The following MTMR7 variants were observed in gnomAD, a reference collection of about 807,000 sequenced individuals.
The protein encoded by MTMR7 is myotubularin related protein 7, also known as phosphatidylinositol-3-phosphate phosphatase MTMR7.
Under a neutral mutation model 81.2 loss-of-function variants are expected in MTMR7, and 76 were observed. The observed-to-expected ratio is 0.94, with a 90% CI of 0.78 to 1.13. The LOEUF (loss-of-function observed/expected upper bound fraction) is 1.13, where lower values mean the gene tolerates loss of function less well. MTMR7 is among the 50% of genes most tolerant of loss of function. The pLI is 0.00. For missense variants in MTMR7, 1,044 were observed against 820.0 expected (o/e 1.27, Z -3.34); for synonymous variants, 372 against 289.8 (o/e 1.28, Z -2.88).
At chr8:17,302,408 A>G (rs1817177604) in intron 12 of MTMR7, 128 bp from the exon 13 acceptor site, 4 of 1,011,884 alleles carry the variant, frequency 4.0e-6, no homozygotes, top group Non-Finnish European at 5.6e-6. Context: ...CAGCCTCAAA[A>G]AAGCCACTAC....
At chr8:17,340,885 AT>A (rs1369311762) in intron 6 of MTMR7, among the ~76,000 whole-genome samples, 1 of 152,156 alleles carries the variant, frequency 6.6e-6, no homozygotes, top group Admixed American at 6.5e-5. Context: ...TATGAAAAAA[AT>A]ATTTTTTAAT....
chr8:17,367,950 G>A (rs1206071871), intron 3 of MTMR7, among the ~76,000 whole-genome samples: 1 of 149,882 alleles, frequency 6.7e-6, no homozygotes, highest in East Asian at 2.0e-4. Flanking sequence ...CTCCTTCAGA[G>A]ACCTTGACTT....
intron 1 of MTMR7, among the ~76,000 whole-genome samples, chr8:17,375,539 A>C (rs1820560461): frequency 1.5e-5 from 2 of 137,736 alleles, no homozygotes; most frequent in Admixed American, 1.5e-4. Context: ...ATTCTTTTGT[A>C]TGGTTATCCA....
chr8:17,406,677 C>T (rs927180691), intron 1 of MTMR7, among the ~76,000 whole-genome samples: 4 of 152,154 alleles, frequency 2.6e-5, no homozygotes, highest in Non-Finnish European at 1.5e-5. Flanking sequence ...CATACGTCCA[C>T]ACAAAAACTT....
chr8:17,327,121 G>C (rs566474273), intron 7 of MTMR7, among the ~76,000 whole-genome samples: 67 of 152,256 alleles, frequency 4.4e-4, no homozygotes, highest in African/African-American at 1.6e-3. Context: ...AGTACATATA[G>C]TCTTCACATT....
chr8:17,358,230 A>G (rs1469165228), intron 4 of MTMR7, among the ~76,000 whole-genome samples: 2 of 152,214 alleles, frequency 1.3e-5, no homozygotes, highest in African/African-American at 2.4e-5. Flanking sequence ...ACAGAGCTCC[A>G]CCAAGCAAAC....
intron 4 of MTMR7, among the ~76,000 whole-genome samples, chr8:17,351,809 G>A (rs540038385): frequency 1.3e-5 from 2 of 152,252 alleles, no homozygotes; most frequent in Non-Finnish European, 2.9e-5. Context: ...TAGGGTGTCA[G>A]TTAACACGGG....
chr8:17,404,505 T>C (rs1821520746), intron 1 of MTMR7, among the ~76,000 whole-genome samples: 1 of 152,188 alleles, frequency 6.6e-6, no homozygotes, highest in Admixed American at 6.5e-5. Context: ...GTACTATTAT[T>C]GTATTGCTCT....
chr8:17,305,261 A>T (rs1373399162), intron 11 of MTMR7, among the ~76,000 whole-genome samples: 1 of 152,230 alleles, frequency 6.6e-6, no homozygotes, highest in Non-Finnish European at 1.5e-5. Flanking sequence ...TCTCTCATGT[A>T]TACTGCCTAA....
chr8:17,390,301 CAAGA>C (rs913022558), intron 1 of MTMR7, among the ~76,000 whole-genome samples: 49 of 150,942 alleles, frequency 3.2e-4, no homozygotes, highest in African/African-American at 1.1e-3. Flanking sequence ...GGAGCAGGAA[CAAGA>C]AAGAGTGAGG....
rs182623681 is a variant in MTMR7 at position 17,319,090 on chromosome 8, C to T, written c.866-5689G>A. ...GATTTTAGTATTATGTGAACTGAAC[C>T]ATACGTCTGAGTAATAATCATGATA... On this transcript the variant is annotated intron_variant, in intron 7 of 13. Coordinates refer to ENST00000180173, the MANE Select transcript of MTMR7 (RefSeq NM_004686.5). 2.4e-3 allele frequency among the ~76,000 whole-genome samples: 358 copies of T among 152,280 alleles called. 1 individual carries two copies. Among genetic ancestry groups the T allele is most frequent in the Non-Finnish European group, 4.2e-3 (284 of 68,024 alleles).
chr8:17,411,663 T>G (rs908059065), intron 1 of MTMR7, among the ~76,000 whole-genome samples: 3 of 152,172 alleles, frequency 2.0e-5, no homozygotes, highest in African/African-American at 7.2e-5. Flanking sequence ...TCCAGATAAA[T>G]AAGGATTTCT....
At chr8:17,348,562 A>C (rs1163723869) in intron 5 of MTMR7, among the ~76,000 whole-genome samples, 1 of 151,196 alleles carries the variant, frequency 6.6e-6, no homozygotes, top group Non-Finnish European at 1.5e-5. Context: ...AAAAAAAAAA[A>C]AAAAAACGTA....
intron 1 of MTMR7, among the ~76,000 whole-genome samples, chr8:17,383,137 G>C (rs1032108467): frequency 6.6e-6 from 1 of 152,104 alleles, no homozygotes; most frequent in African/African-American, 2.4e-5. Flanking sequence ...CCAAGGTTGG[G>C]AGGATGGTTC....
intron 1 of MTMR7, among the ~76,000 whole-genome samples, chr8:17,377,686 G>A (rs1379849883): frequency 6.6e-6 from 1 of 152,034 alleles, no homozygotes; most frequent in Non-Finnish European, 1.5e-5. Context: ...TTTCCTCCAA[G>A]TATATCTCAG....
intron 12 of MTMR7, among the ~76,000 whole-genome samples, chr8:17,303,981 C>CT (rs1188810694): frequency 2.0e-5 from 3 of 152,068 alleles, no homozygotes; most frequent in African/African-American, 7.2e-5. Flanking sequence ...CGGTTTTTGC[C>CT]TTTTTGTTGT....
At chr8:17,359,193 T>A (rs751433286) in intron 4 of MTMR7, among the ~76,000 whole-genome samples, 144 of 152,158 alleles carry the variant, frequency 9.5e-4, no homozygotes, top group Non-Finnish European at 1.2e-3. Flanking sequence ...CCACCATGCC[T>A]GGCTTAAATG....
chr8:17,408,921 T>C (rs907797892), intron 1 of MTMR7, among the ~76,000 whole-genome samples: 3 of 152,210 alleles, frequency 2.0e-5, no homozygotes, highest in African/African-American at 7.2e-5. Flanking sequence ...TATGTAAATA[T>C]ACTAAAACCA....
chr8:17,302,464 A>G (rs1232333796), intron 12 of MTMR7, 184 bp from the exon 13 acceptor site: 1 of 568,778 alleles, frequency 1.8e-6, no homozygotes, highest in Non-Finnish European at 2.9e-6. Context: ...TGGGTCAGTA[A>G]ATGCCTTTTG....
Sources: gnomAD v4.1 joint callset for allele counts (sites outside exome capture counted in the v4.1 genomes callset) on GRCh38, gnomAD v4.1.1 for gene constraint, MANE v1.5 for transcripts, NCBI Gene and HGNC (gene_info 2026-07-23, HGNC 2026-07-21) for gene names.